ZNF385D: variants seen among roughly 807,000 people sequenced by gnomAD.
ZNF385D encodes zinc finger protein 659.
ZNF385D carries 15 observed loss-of-function variants against 35.8 expected under a neutral mutation model. The observed-to-expected ratio is 0.42, with a 90% CI of 0.28 to 0.64. ZNF385D has a LOEUF of 0.64. Ranked by LOEUF, ZNF385D falls within the 30% of genes least tolerant of loss-of-function variation. The probability of loss-of-function intolerance (pLI) is 0.23; values close to 1 mark genes in which losing one functional copy is unlikely to be tolerated. For missense variants in ZNF385D, 474 were observed against 494.6 expected, an observed-to-expected ratio of 0.96 and a Z score of 0.39; for synonymous variants, 212 against 186.8, an observed-to-expected ratio of 1.13 and a Z score of -1.10.
chr3:22,156,593 T>C (rs925622302), intron 3 of ZNF385D, among the ~76,000 whole-genome samples: 3 of 152,116 alleles, frequency 2.0e-5, no homozygotes, highest in Non-Finnish European at 4.4e-5. Flanking sequence ...GCAATTAGTT[T>C]TCCCCCAGTA....
intron 2 of ZNF385D, among the ~76,000 whole-genome samples, chr3:21,581,415 T>C (rs78874949): frequency 0.015 from 2,285 of 152,276 alleles, 39 homozygotes; most frequent in Non-Finnish European, 0.02. Flanking sequence ...TAGTGCCATG[T>C]GATTTACCAT....
At chr3:22,077,238 C>T (rs1157240802) in intron 3 of ZNF385D, among the ~76,000 whole-genome samples, 1 of 151,870 alleles carries the variant, frequency 6.6e-6, no homozygotes, top group East Asian at 1.9e-4. Flanking sequence ...TGTATAATTG[C>T]ACTAAGCATA....
At chr3:21,863,461 T>G (rs575733434) in intron 3 of ZNF385D, among the ~76,000 whole-genome samples, 41 of 152,292 alleles carry the variant, frequency 2.7e-4, no homozygotes, top group African/African-American at 9.9e-4. Context: ...TTGTCTTCAT[T>G]CTTTGAGCAA....
chr3:21,778,365 T>C (rs4858357), intron 3 of ZNF385D, among the ~76,000 whole-genome samples: 60,854 of 151,666 alleles, frequency 0.4, 13,077 homozygotes, highest in Middle Eastern at 0.51. Context: ...CTACTTCATT[T>C]TATCCCTACC....
intron 2 of ZNF385D, among the ~76,000 whole-genome samples, chr3:21,608,479 C>A (rs924635808): frequency 2.5e-4 from 38 of 152,226 alleles, no homozygotes; most frequent in African/African-American, 8.4e-4. Context: ...GTGTTTAAAC[C>A]TTTGCATCAG....
intron 3 of ZNF385D, among the ~76,000 whole-genome samples, chr3:22,076,757 CTCTAA>C (rs1314544187): frequency 1.3e-5 from 2 of 151,800 alleles, no homozygotes; most frequent in African/African-American, 4.8e-5. Context: ...ACTCTTCTGT[CTCTAA>C]TAACAAATTG....
At chr3:21,616,386 A>T (rs2064847562) in intron 2 of ZNF385D, among the ~76,000 whole-genome samples, 1 of 152,150 alleles carries the variant, frequency 6.6e-6, no homozygotes, top group Non-Finnish European at 1.5e-5. Flanking sequence ...TGATAGTGCT[A>T]AATTAGTTGT....
chr3:21,922,878 T>A (rs9814522), intron 3 of ZNF385D, among the ~76,000 whole-genome samples: 2,802 of 152,202 alleles, frequency 0.018, 91 homozygotes, highest in African/African-American at 0.064. Context: ...ATTCACAAGC[T>A]ACACATCTGA....
At chr3:22,337,605 C>T (rs1261343467) in intron 2 of ZNF385D, among the ~76,000 whole-genome samples, 1 of 152,030 alleles carries the variant, frequency 6.6e-6, no homozygotes, top group East Asian at 1.9e-4. Context: ...ACCGAAAATG[C>T]CCAATTTGCT....
intron 3 of ZNF385D, among the ~76,000 whole-genome samples, chr3:21,757,574 T>A (rs1241236909): frequency 6.6e-6 from 1 of 152,168 alleles, no homozygotes. Context: ...CAATGTTTAT[T>A]GACTCAAAAA....
At chr3:22,095,803 A>C (rs1300098703) in intron 3 of ZNF385D, among the ~76,000 whole-genome samples, 1 of 149,708 alleles carries the variant, frequency 6.7e-6, no homozygotes, top group African/African-American at 2.5e-5. Flanking sequence ...AATTCACTAT[A>C]AATCAATTTT....
chr3:21,751,276 A>G, upstream of ZNF385D: 1 of 1,086,568 alleles, frequency 9.2e-7, no homozygotes, highest in Non-Finnish European at 1.1e-6. Flanking sequence ...CCGCTCCACG[A>G]GGTGCTCCGA....
At chr3:21,747,365 A>G (rs577700518) in intron 1 of ZNF385D, among the ~76,000 whole-genome samples, 1 of 152,298 alleles carries the variant, frequency 6.6e-6, no homozygotes, top group East Asian at 1.9e-4. Flanking sequence ...CAAGCCCCAG[A>G]TCCTTCTTGG....
chr3:21,808,017 T>C (rs1179216789), intron 3 of ZNF385D, among the ~76,000 whole-genome samples: 1 of 152,174 alleles, frequency 6.6e-6, no homozygotes, highest in Admixed American at 6.6e-5. Flanking sequence ...TGTCTGAAAA[T>C]AGAATTGCTA....
rs541951673 is a variant in ZNF385D at position 22,228,367 on chromosome 3, A to G, written c.107-59332T>C. The stretch of plus-strand genomic sequence containing the variant: ...AGGTTGGCAGGTCACTGGTCCCCCT[A>G]CCAACCCCCCATGCAGCAGCCAAGC... On this transcript the variant is annotated intron_variant, in intron 2 of 5. Coordinates refer to the ZNF385D transcript ENST00000494108. Among the ~76,000 whole-genome samples, 3 of 152,108 alleles carry G rather than the reference A, an allele frequency of 2.0e-5. No homozygotes were observed. The South Asian group carries it at 6.2e-4, about 32-fold the overall frequency.
At chr3:21,975,700 G>A (rs1443396918) in intron 3 of ZNF385D, among the ~76,000 whole-genome samples, 1 of 95,334 alleles carries the variant, frequency 1.0e-5, no homozygotes, top group Non-Finnish European at 2.2e-5. Flanking sequence ...ATGTACCCAC[G>A]AAATATATAT....
intron 3 of ZNF385D, among the ~76,000 whole-genome samples, chr3:22,015,413 G>A (rs539222085): frequency 6.6e-5 from 10 of 152,138 alleles, no homozygotes; most frequent in African/African-American, 2.2e-4. Flanking sequence ...AAATATCTAC[G>A]CTTTTCACAC....
intron 3 of ZNF385D, among the ~76,000 whole-genome samples, chr3:22,017,344 T>C (rs1202180314): frequency 1.3e-5 from 2 of 152,050 alleles, no homozygotes; most frequent in East Asian, 1.9e-4. Flanking sequence ...ATATTAGCAA[T>C]GCTATACCAC....
chr3:21,704,616 C>CT (rs2067829608), intron 1 of ZNF385D, among the ~76,000 whole-genome samples: 1 of 151,892 alleles, frequency 6.6e-6, no homozygotes, highest in African/African-American at 2.4e-5. Context: ...TCAAGCGATT[C>CT]TTTTCCCTTA....
Sources: gnomAD v4.1 joint callset for allele counts (sites outside exome capture counted in the v4.1 genomes callset) on GRCh38, gnomAD v4.1.1 for gene constraint, MANE v1.5 for transcripts, NCBI Gene and HGNC (gene_info 2026-07-23, HGNC 2026-07-21) for gene names.